Variants in ST8SIA2 observed in about 807,000 individuals in gnomAD.
ST8SIA2 encodes ST8 alpha-N-acetyl-neuraminide alpha-2,8-sialyltransferase 2, also known as alpha-2,8-sialyltransferase 8B.
Under a neutral mutation model 37.6 loss-of-function variants are expected in ST8SIA2, and 22 were observed. The ratio of observed to expected loss-of-function variants is 0.58; its 90% CI spans 0.42 to 0.83. The LOEUF (loss-of-function observed/expected upper bound fraction) is 0.83. ST8SIA2 is among the 40% of genes least tolerant of loss of function. The pLI, the probability that ST8SIA2 is intolerant of heterozygous loss-of-function variation, is 0.00. For missense variants in ST8SIA2, 382 were observed against 484.7 expected (o/e 0.79, Z 1.99); for synonymous variants, 205 against 201.2 (o/e 1.02, Z -0.16).
At chr15:92,458,347 G>T (rs371973925) in intron 5 of ST8SIA2, among the ~76,000 whole-genome samples, 1 of 152,174 alleles carries the variant, frequency 6.6e-6, no homozygotes, top group Non-Finnish European at 1.5e-5. Context: ...TGTCTTTGTC[G>T]CAGGCTATCG....
chr15:92,452,540 T>A (rs1269418351), intron 5 of ST8SIA2, among the ~76,000 whole-genome samples: 1 of 152,216 alleles, frequency 6.6e-6, no homozygotes, highest in East Asian at 1.9e-4. Context: ...GTGAGCTTAA[T>A]GTCAACACCA....
Position 92,466,003 on chromosome 15 carries a change from C to G in ST8SIA2, c.*1618C>G, listed in dbSNP as rs541147143. ...GGTGAAGGGAGTTAAGAAAAGTAAT[C>G]AAGACCTGCTCCTAAGCATATGAGA... is the stretch of plus-strand genomic sequence containing the variant. On this transcript the variant is annotated 3_prime_UTR_variant, in exon 6 of 6. Transcript: ENST00000268164. The G allele has an allele frequency of 6.6e-6, 1 of 152,176 alleles. No homozygotes were observed. The highest frequency in any genetic ancestry group is 2.4e-5 in the African/African-American group (1 of 41,440). The allele number at this position is 152,176 out of a possible 1,614,324, so 9.4% of individuals were successfully genotyped here.
chr15:92,394,594 G>C (rs1185601152), intron 1 of ST8SIA2, among the ~76,000 whole-genome samples: 6 of 152,170 alleles, frequency 3.9e-5, no homozygotes, highest in African/African-American at 9.7e-5. Context: ...GGCAGGGGGC[G>C]CGCAGGGATC....
chr15:92,422,067 T>C (rs549884421), intron 1 of ST8SIA2: 1 of 152,326 alleles, frequency 6.6e-6, no homozygotes, highest in South Asian at 2.1e-4. Flanking sequence ...GTACCATCTG[T>C]TTTTCCTCTT....
intron 5 of ST8SIA2, among the ~76,000 whole-genome samples, chr15:92,462,839 T>A (rs531465154): frequency 2.0e-5 from 3 of 152,356 alleles, no homozygotes; most frequent in African/African-American, 7.2e-5. Context: ...TGGAAGCTTT[T>A]ACTAGAAATA....
rs115602083 is a variant in ST8SIA2 at position 92,396,081 on chromosome 15, C to T, written c.98+1919C>T. Reference sequence around the variant, plus strand: ...ACTTGTCTCACTTGAGTGCTCCCTGCTTCTTTTTATCCTGTCTCTGCTGGG... The same window carrying T: ...ACTTGTCTCACTTGAGTGCTCCCTGTTTCTTTTTATCCTGTCTCTGCTGGG... On this transcript the variant is annotated intron_variant, in intron 1 of 5. Coordinates refer to ENST00000268164, the MANE Select transcript of ST8SIA2 (RefSeq NM_006011.4). Among the ~76,000 whole-genome samples, 860 of 152,330 alleles carry T rather than the reference C, an allele frequency of 5.6e-3. 10 individuals carry two copies. The highest frequency in any genetic ancestry group is 0.02 in the African/African-American group (823 of 41,560).
intron 5 of ST8SIA2, among the ~76,000 whole-genome samples, chr15:92,460,097 G>C (rs1336732466): frequency 6.6e-6 from 1 of 152,152 alleles, no homozygotes; most frequent in African/African-American, 2.4e-5. Flanking sequence ...GCCCTGCAAG[G>C]CTGCTGAGCT....
intron 5 of ST8SIA2, 90 bp downstream of exon 5, chr15:92,445,019 C>T (rs2049831905): frequency 6.4e-7 from 1 of 1,558,398 alleles, no homozygotes; most frequent in Non-Finnish European, 8.7e-7. Flanking sequence ...GCATTTCCAT[C>T]CCAGCTCCAC....
At chr15:92,461,863 A>T (rs1026874336) in intron 5 of ST8SIA2, among the ~76,000 whole-genome samples, 1 of 152,160 alleles carries the variant, frequency 6.6e-6, no homozygotes, top group Admixed American at 6.5e-5. Flanking sequence ...GGAAGAAATG[A>T]CGAAGATCTC....
At position 92,427,357 on chromosome 15, in the gene ST8SIA2, A is replaced by C. The variant is rs188558069; in HGVS notation, c.99-2692A>C. On this transcript the variant is annotated intron_variant, in intron 1 of 5. Transcript: ENST00000268164. Reference sequence around the variant, plus strand: ...GGGACTATATATATCTAGCTTGGCCAAAGCCTGAAATATAATATTACTCAA... The same window carrying C: ...GGGACTATATATATCTAGCTTGGCCCAAGCCTGAAATATAATATTACTCAA... 2.9e-4 allele frequency among the ~76,000 whole-genome samples: 44 copies of C among 152,090 alleles called. No homozygotes were observed. In the East Asian group the frequency reaches 7.7e-3, roughly 27 times the overall value.
At chr15:92,394,805 CG>C (rs1422685184) in intron 1 of ST8SIA2, among the ~76,000 whole-genome samples, 2 of 152,180 alleles carry the variant, frequency 1.3e-5, no homozygotes, top group African/African-American at 2.4e-5. Context: ...TGGCTTTGGA[CG>C]TTCAGCCAAG....
Position 92,450,651 on chromosome 15 carries a change from T to G in ST8SIA2, c.842+5722T>G, listed in dbSNP as rs562407579. Among the ~76,000 whole-genome samples, 9 of 152,310 alleles carry G rather than the reference T, an allele frequency of 5.9e-5. No individual in the cohort carries two copies. In the South Asian group the frequency reaches 1.9e-3, roughly 32 times the overall value. ...TCTTATGAGAACTCACTCATTATCATGAGGACAGTATCCACCGCATGGTGC... is the reference window on the plus strand; with the variant it reads ...TCTTATGAGAACTCACTCATTATCAGGAGGACAGTATCCACCGCATGGTGC... On this transcript the variant is annotated intron_variant, in intron 5 of 5. Transcript: ENST00000268164.
chr15:92,416,554 A>G (rs935041492), intron 1 of ST8SIA2, among the ~76,000 whole-genome samples: 8 of 152,034 alleles, frequency 5.3e-5, no homozygotes, highest in Non-Finnish European at 7.4e-5. Context: ...AAGTGTTGCC[A>G]GAGGATGAAG....
At chr15:92,462,251 TTC>T (rs1233140895) in intron 5 of ST8SIA2, among the ~76,000 whole-genome samples, 21 of 152,238 alleles carry the variant, frequency 1.4e-4, no homozygotes, top group Non-Finnish European at 2.9e-4. Flanking sequence ...AGAATGAGGA[TTC>T]TCAAAATGCA....
intron 1 of ST8SIA2, among the ~76,000 whole-genome samples, chr15:92,396,275 A>G (rs2049429611): frequency 6.6e-6 from 1 of 152,122 alleles, no homozygotes; most frequent in Non-Finnish European, 1.5e-5. Context: ...TCAACACTGC[A>G]TATGCCTTTC....
At chr15:92,444,976 A>C (rs2049831553) in intron 5 of ST8SIA2, 47 bp downstream of exon 5, 2 of 1,600,492 alleles carry the variant, frequency 1.2e-6, no homozygotes, top group Non-Finnish European at 1.7e-6. Context: ...TAAGTGTGGG[A>C]GATTCTTGGT....
intron 4 of ST8SIA2, among the ~76,000 whole-genome samples, chr15:92,439,971 C>T (rs2049789604): frequency 6.6e-6 from 1 of 152,160 alleles, no homozygotes; most frequent in Non-Finnish European, 1.5e-5. Context: ...GCTGTCTGAC[C>T]TAAAGCCACA....
intron 2 of ST8SIA2, among the ~76,000 whole-genome samples, chr15:92,431,620 G>A (rs1436426696): frequency 6.6e-6 from 1 of 152,178 alleles, no homozygotes; most frequent in Non-Finnish European, 1.5e-5. Flanking sequence ...TTGGAAATGG[G>A]GGAGGGGACT....
chr15:92,459,098 C>T (rs748904971), intron 5 of ST8SIA2, among the ~76,000 whole-genome samples: 4 of 152,302 alleles, frequency 2.6e-5, no homozygotes, highest in Non-Finnish European at 5.9e-5. Context: ...GCCACTTGGA[C>T]GTTTCATCGC....
Sources: allele counts gnomAD v4.1 joint callset (sites outside exome capture counted in the v4.1 genomes callset), GRCh38; gene constraint gnomAD v4.1.1; transcripts MANE v1.5; gene names NCBI Gene and HGNC (gene_info 2026-07-23, HGNC 2026-07-21).